Variants in GALM observed in about 807,000 individuals in gnomAD.
GALM encodes aldose 1-epimerase.
In GALM, 43 loss-of-function variants were observed where a neutral mutation model predicts 37.4. The ratio of observed to expected loss-of-function variants is 1.15; its 90% CI spans 0.90 to 1.48. The LOEUF is 1.48. GALM is among the 40% of genes most tolerant of loss of function. The pLI is 0.00. For missense variants in GALM, 456 were observed against 419.1 expected (o/e 1.09, Z -0.77); for synonymous variants, 199 against 170.6 (o/e 1.17, Z -1.30).
At chr2:38,701,849 G>C (rs1324778698) in intron 4 of GALM, among the ~76,000 whole-genome samples, 1 of 152,118 alleles carries the variant, frequency 6.6e-6, no homozygotes, top group Non-Finnish European at 1.5e-5. Flanking sequence ...TCTTTCTGGA[G>C]CTCCTGACAG....
chr2:38,721,946 A>G (rs78858479), intron 4 of GALM, among the ~76,000 whole-genome samples: 1,797 of 151,766 alleles, frequency 0.012, 41 homozygotes, highest in African/African-American at 0.039. Flanking sequence ...TTCAGCTCCA[A>G]TAATTCTTCA....
intron 4 of GALM, among the ~76,000 whole-genome samples, chr2:38,711,378 C>G (rs1256988330): frequency 6.6e-6 from 1 of 152,008 alleles, no homozygotes. Context: ...TCACGCTGGT[C>G]TCGAACTCCC....
Position 38,694,022 on chromosome 2 carries a change from A to G in GALM, c.634+4128A>G, listed in dbSNP as rs150830454. ...TAGGGAGACCCTGTTAATACAAAAC[A>G]TTTTTTTGAATTAGCCAGGAGTGTT... On this transcript the variant is annotated intron_variant, in intron 4 of 6. Coordinates refer to ENST00000272252, the MANE Select transcript of GALM (RefSeq NM_138801.3). 1.1e-4 allele frequency among the ~76,000 whole-genome samples: 16 copies of G among 152,180 alleles called. No individual in the cohort carries two copies. The East Asian group carries it at 2.5e-3, about 24-fold the overall frequency.
chr2:38,692,202 T>C (rs1179797143), intron 4 of GALM, among the ~76,000 whole-genome samples: 1 of 152,238 alleles, frequency 6.6e-6, no homozygotes, highest in Admixed American at 6.5e-5. Context: ...ATGTTATACC[T>C]GTTTGCCGAG....
At chr2:38,720,315 T>A (rs1666351555) in intron 4 of GALM, among the ~76,000 whole-genome samples, 1 of 150,758 alleles carries the variant, frequency 6.6e-6, no homozygotes, top group African/African-American at 2.4e-5. Context: ...TGCTCAAAAA[T>A]TGGTAAACTA....
At chr2:38,684,920 G>A (rs1363187775) in intron 3 of GALM, among the ~76,000 whole-genome samples, 2 of 152,148 alleles carry the variant, frequency 1.3e-5, no homozygotes, top group Admixed American at 1.3e-4. Flanking sequence ...GTACATGACA[G>A]GTAGACATGT....
intron 4 of GALM, among the ~76,000 whole-genome samples, chr2:38,707,074 A>C (rs750523374): frequency 2.9e-5 from 4 of 137,556 alleles, no homozygotes; most frequent in Non-Finnish European, 4.6e-5. Flanking sequence ...AGAGATGGGG[A>C]TGTTCAGTGA....
intron 4 of GALM, among the ~76,000 whole-genome samples, chr2:38,717,026 G>A (rs1176882706): frequency 2.6e-5 from 4 of 152,098 alleles, no homozygotes; most frequent in Non-Finnish European, 4.4e-5. Context: ...CGAGGCAGGC[G>A]GATCACCTGA....
At chr2:38,704,656 G>A (rs748845899) in intron 4 of GALM, among the ~76,000 whole-genome samples, 9 of 150,096 alleles carry the variant, frequency 6.0e-5, no homozygotes, top group Non-Finnish European at 1.0e-4. Context: ...TTGGTGACAC[G>A]GCAAGACTCT....
chr2:38,686,367 G>A (rs908112630), intron 3 of GALM, among the ~76,000 whole-genome samples: 2 of 151,754 alleles, frequency 1.3e-5, no homozygotes, highest in African/African-American at 4.8e-5. Flanking sequence ...CCGGGTTCAC[G>A]ACATTCTCCT....
intron 4 of GALM, among the ~76,000 whole-genome samples, chr2:38,697,704 C>T (rs938072570): frequency 5.9e-5 from 9 of 152,122 alleles, no homozygotes; most frequent in Admixed American, 2.0e-4. Flanking sequence ...GGAGGAGTGA[C>T]GTCCTGTCCT....
At chr2:38,718,239 G>A (rs1186287300) in intron 4 of GALM, among the ~76,000 whole-genome samples, 2 of 127,616 alleles carry the variant, frequency 1.6e-5, no homozygotes, top group Non-Finnish European at 3.1e-5. Context: ...TCCCTCTCTC[G>A]CCCAGGCTGG....
chr2:38,696,752 G>T (rs190168072), intron 4 of GALM, among the ~76,000 whole-genome samples: 6 of 144,256 alleles, frequency 4.2e-5, no homozygotes, highest in Non-Finnish European at 9.0e-5. Context: ...GATTACAGGC[G>T]TGAGCCACCG....
At chr2:38,687,933 C>T (rs564306551) in intron 3 of GALM, among the ~76,000 whole-genome samples, 12 of 152,102 alleles carry the variant, frequency 7.9e-5, no homozygotes, top group Non-Finnish European at 1.3e-4. Context: ...ACCAGTCGGC[C>T]GGGCACAGTG....
At chr2:38,723,728 C>G (rs1023547410) in intron 4 of GALM, among the ~76,000 whole-genome samples, 1 of 151,926 alleles carries the variant, frequency 6.6e-6, no homozygotes, top group African/African-American at 2.4e-5. Flanking sequence ...GAGTTTGAGG[C>G]TGCAGTAAGC....
At chr2:38,688,880 G>A (rs891652769) in intron 3 of GALM, among the ~76,000 whole-genome samples, 22 of 152,154 alleles carry the variant, frequency 1.4e-4, no homozygotes, top group African/African-American at 4.1e-4. Flanking sequence ...GCAATGGCAC[G>A]CGCGATCTTG....
intron 4 of GALM, among the ~76,000 whole-genome samples, chr2:38,719,663 T>A (rs1666336632): frequency 6.7e-6 from 1 of 149,994 alleles, no homozygotes; most frequent in Non-Finnish European, 1.5e-5. Context: ...TAATCTCAGC[T>A]ACTTGGGAGC....
chr2:38,725,955 G>A (rs970079180), intron 4 of GALM, among the ~76,000 whole-genome samples: 4 of 151,880 alleles, frequency 2.6e-5, no homozygotes, highest in Non-Finnish European at 5.9e-5. Context: ...CAAGTGATCC[G>A]CCCACCTCAG....
chr2:38,731,855 C>T lies in GALM; in HGVS notation c.897C>T (p.Pro299=), dbSNP rs1212567009. 1.2e-6 allele frequency: 2 copies of T among 1,614,140 alleles called. No homozygotes were observed. Among genetic ancestry groups the T allele is most frequent in the Non-Finnish European group, 1.7e-6 (2 of 1,179,990 alleles). The change falls in exon 6 of 7, where the codon CCC becomes CCT. Residue 299 remains proline (P), a synonymous_variant. Transcript: ENST00000272252. ...AGGGCAAGAATGGAGCTGTCTATCC[C>T]AAGCACTCCGGTTTCTGCCTGGAGA... ...TLKGKNGAVY[P]KHSGFCLETQ... is the part of the protein sequence containing the mutation.
Sources: gnomAD v4.1 joint callset for allele counts (sites outside exome capture counted in the v4.1 genomes callset) on GRCh38, gnomAD v4.1.1 for gene constraint, MANE v1.5 for transcripts, NCBI Gene and HGNC (gene_info 2026-07-23, HGNC 2026-07-21) for gene names.